Variants in SLC10A7 observed in about 807,000 individuals in gnomAD.
The protein encoded by SLC10A7 is sodium/bile acid cotransporter 7.
Under a neutral mutation model 43.2 loss-of-function variants are expected in SLC10A7, and 29 were observed. That is an observed-to-expected ratio of 0.67 (90% CI 0.50 to 0.92). SLC10A7 has a LOEUF of 0.92. Ranked by LOEUF, SLC10A7 falls within the 40% of genes least tolerant of loss-of-function variation. The probability of loss-of-function intolerance (pLI) is 0.00; values close to 1 mark genes in which losing one functional copy is unlikely to be tolerated. For missense variants in SLC10A7, 295 were observed against 403.2 expected, an observed-to-expected ratio of 0.73 and a Z score of 2.30; for synonymous variants, 152 against 144.8, an observed-to-expected ratio of 1.05 and a Z score of -0.35.
intron 5 of SLC10A7, among the ~76,000 whole-genome samples, chr4:146,388,750 C>A (rs1436209594): frequency 7.3e-6 from 1 of 136,944 alleles, no homozygotes; most frequent in Admixed American, 7.8e-5. Flanking sequence ...CAGTGTGAGA[C>A]TCTGTCAAAA....
intron 5 of SLC10A7, among the ~76,000 whole-genome samples, chr4:146,425,550 T>C (rs551799527): frequency 1.3e-5 from 2 of 152,290 alleles, no homozygotes; most frequent in South Asian, 2.1e-4. Flanking sequence ...AGCGCAACTA[T>C]AGACGATACA....
chr4:146,308,568 C>T (rs1425757572), intron 6 of SLC10A7, among the ~76,000 whole-genome samples: 2 of 151,976 alleles, frequency 1.3e-5, no homozygotes, highest in African/African-American at 4.8e-5. Flanking sequence ...AATGAGGAAC[C>T]TGTTGTGGTT....
chr4:146,446,740 TTATCTATCTATC>T (rs150949685), intron 4 of SLC10A7, among the ~76,000 whole-genome samples: 2,263 of 143,802 alleles, frequency 0.016, 29 homozygotes, highest in East Asian at 0.064. Context: ...GTGAGAAGGT[TTATCTATCTATC>T]TATCTATCTA....
chr4:146,369,191 T>C (rs1736599509), intron 5 of SLC10A7, among the ~76,000 whole-genome samples: 2 of 152,164 alleles, frequency 1.3e-5, no homozygotes, highest in South Asian at 4.1e-4. Context: ...TGGGTTCAAA[T>C]CTTGCTCTAC....
At chr4:146,405,612 G>A (rs550946327) in intron 5 of SLC10A7, among the ~76,000 whole-genome samples, 4 of 152,214 alleles carry the variant, frequency 2.6e-5, no homozygotes, top group Admixed American at 2.0e-4. Context: ...ACTGAGAATT[G>A]TTTTATAATT....
At chr4:146,374,280 C>T (rs1166736959) in intron 5 of SLC10A7, among the ~76,000 whole-genome samples, 1 of 152,134 alleles carries the variant, frequency 6.6e-6, no homozygotes. Context: ...ATGTTTTCCC[C>T]TCCCATCTTA....
intron 5 of SLC10A7, among the ~76,000 whole-genome samples, chr4:146,398,814 T>C (rs980721425): frequency 1.3e-5 from 2 of 152,198 alleles, no homozygotes; most frequent in Admixed American, 1.3e-4. Context: ...CTGGTAAGAC[T>C]CCCAAAGTCC....
At chr4:146,471,233 C>A (rs1339911474) in intron 4 of SLC10A7, among the ~76,000 whole-genome samples, 2 of 152,118 alleles carry the variant, frequency 1.3e-5, no homozygotes, top group African/African-American at 4.8e-5. Context: ...ATTTTCAGAA[C>A]AGGGATACTG....
chr4:146,483,687 T>TA (rs934601120), intron 4 of SLC10A7, among the ~76,000 whole-genome samples: 46 of 151,348 alleles, frequency 3.0e-4, no homozygotes, highest in African/African-American at 4.1e-4. Context: ...ATGATTGGAT[T>TA]AAAAAAAAAC....
intron 5 of SLC10A7, among the ~76,000 whole-genome samples, chr4:146,435,609 G>C (rs908964186): frequency 2.6e-5 from 4 of 152,104 alleles, no homozygotes; most frequent in Non-Finnish European, 5.9e-5. Context: ...CAAAATATTA[G>C]CTCAACAAAT....
chr4:146,439,959 A>G (rs1730471917), intron 5 of SLC10A7, among the ~76,000 whole-genome samples: 1 of 152,172 alleles, frequency 6.6e-6, no homozygotes, highest in South Asian at 2.1e-4. Flanking sequence ...TCTTCTTCCT[A>G]ATCCCAACTC....
At chr4:146,320,408 G>T (rs1732622320) in intron 6 of SLC10A7, among the ~76,000 whole-genome samples, 1 of 151,988 alleles carries the variant, frequency 6.6e-6, no homozygotes, top group Admixed American at 6.6e-5. Flanking sequence ...TGAGAGTAGG[G>T]TGGGTATAGT....
At position 146,345,268 on chromosome 4, in the gene SLC10A7, C is replaced by G. The variant is rs972411040; in HGVS notation, c.436-19272G>C. ...GCTCGTTTCTAAATTTAGCCTGAGACCAATGCTACATCTAGGAAGGGGTCA... is the reference window on the plus strand; with the variant it reads ...GCTCGTTTCTAAATTTAGCCTGAGAGCAATGCTACATCTAGGAAGGGGTCA... On this transcript the variant is annotated intron_variant, in intron 5 of 11. Transcript: ENST00000335472. Among the ~76,000 whole-genome samples, 6 of 152,216 alleles carry G rather than the reference C, an allele frequency of 3.9e-5. No homozygotes were observed. In the East Asian group the frequency reaches 1.2e-3, roughly 29 times the overall value.
chr4:146,486,050 C>T (rs1220563121), intron 4 of SLC10A7, among the ~76,000 whole-genome samples: 1 of 152,082 alleles, frequency 6.6e-6, no homozygotes, highest in African/African-American at 2.4e-5. Context: ...ATGTGTGAGG[C>T]AACTTCAGAA....
intron 5 of SLC10A7, among the ~76,000 whole-genome samples, chr4:146,423,409 A>G (rs1395347804): frequency 1.3e-5 from 2 of 152,192 alleles, no homozygotes; most frequent in African/African-American, 2.4e-5. Context: ...GAAAATTACA[A>G]TAATAGTTGG....
chr4:146,364,739 A>G (rs952729747), intron 5 of SLC10A7, among the ~76,000 whole-genome samples: 1 of 152,150 alleles, frequency 6.6e-6, no homozygotes, highest in Non-Finnish European at 1.5e-5. Context: ...ATAGCTAGAA[A>G]TAATTTATTG....
intron 5 of SLC10A7, among the ~76,000 whole-genome samples, chr4:146,409,512 G>A (rs1727998837): frequency 6.6e-6 from 1 of 152,028 alleles, no homozygotes; most frequent in Admixed American, 6.6e-5. Context: ...GAAACTTTGG[G>A]GGTGATGGAA....
intron 11 of SLC10A7, among the ~76,000 whole-genome samples, chr4:146,257,558 G>A (rs1398250184): frequency 1.3e-5 from 2 of 152,164 alleles, no homozygotes; most frequent in Non-Finnish European, 2.9e-5. Context: ...TCAACTCCCT[G>A]AGCCCATTTC....
chr4:146,456,720 T>A (rs1579235636), intron 4 of SLC10A7, among the ~76,000 whole-genome samples: 1 of 151,960 alleles, frequency 6.6e-6, no homozygotes, highest in Non-Finnish European at 1.5e-5. Flanking sequence ...TGTCTCATTA[T>A]GTAGGCATAA....
Sources: allele counts gnomAD v4.1 joint callset (sites outside exome capture counted in the v4.1 genomes callset), GRCh38; gene constraint gnomAD v4.1.1; transcripts MANE v1.5; gene names NCBI Gene and HGNC (gene_info 2026-07-23, HGNC 2026-07-21).